Variants in POU6F2 observed in about 807,000 individuals in gnomAD.
The protein encoded by POU6F2 is POU domain, class 6, transcription factor 2.
POU6F2 carries 31 observed loss-of-function variants against 71.3 expected under a neutral mutation model. The observed-to-expected ratio is 0.43, with a 90% confidence interval of 0.33 to 0.59. The LOEUF (loss-of-function observed/expected upper bound fraction) is 0.59. Ranked by LOEUF, POU6F2 falls within the 20% of genes least tolerant of loss-of-function variation. POU6F2 has a pLI of 0.04. For missense variants in POU6F2, 783 were observed against 856.8 expected, an observed-to-expected ratio of 0.91 and a Z score of 1.07; for synonymous variants, 347 against 355.7, an observed-to-expected ratio of 0.98 and a Z score of 0.27.
intron 5 of POU6F2, among the ~76,000 whole-genome samples, chr7:39,396,743 A>G (rs908770349): frequency 1.3e-5 from 2 of 152,136 alleles, no homozygotes; most frequent in Non-Finnish European, 2.9e-5. Flanking sequence ...ACTTGTGCCT[A>G]GGGGCACATA....
At chr7:39,099,029 CTT>C (rs1562705474) in intron 2 of POU6F2, among the ~76,000 whole-genome samples, 2 of 152,118 alleles carry the variant, frequency 1.3e-5, no homozygotes, top group Non-Finnish European at 2.9e-5. Context: ...CTTCTTCAGT[CTT>C]TGCTTTCTCT....
At position 39,464,708 on chromosome 7, in the gene POU6F2, G is replaced by A. The variant is rs1274098461; in HGVS notation, c.*22G>A. The stretch of plus-strand genomic sequence containing the variant: ...CTAAAGAGATGCCCACCCATAATCA[G>A]AAGCAAAATTCACAGAAACTAAACT... On this transcript the variant is annotated 3_prime_UTR_variant, in exon 10 of 10. Coordinates refer to ENST00000518318, the MANE Select transcript of POU6F2 (RefSeq NM_001370959.1). The surrounding 1 kb of genome is among the most constrained non-coding windows in gnomAD (Gnocchi z 4.1). 6.4e-7 allele frequency: 1 copy of A among 1,567,650 alleles called. No individual in the cohort carries two copies. Among genetic ancestry groups the A allele is most frequent in the Non-Finnish European group, 8.6e-7 (1 of 1,159,202 alleles).
rs1270663777 is a variant in POU6F2 at position 39,468,191 on chromosome 7, GA to G, written c.*3506del. Reference sequence around the variant, plus strand: ...TTTGTTTATTTGTTGTTAAGAAAGTGATTTTTTTTTTTTTTTGTCCTATGTG... The same window carrying G: ...TTTGTTTATTTGTTGTTAAGAAAGTGTTTTTTTTTTTTTTTGTCCTATGTG... On this transcript the variant is annotated 3_prime_UTR_variant, in exon 10 of 10. Transcript: ENST00000518318. 2.1e-5 allele frequency: 3 copies of G among 141,258 alleles called. No individual in the cohort carries two copies. The highest frequency in any genetic ancestry group is 4.7e-5 in the Non-Finnish European group (3 of 63,530). The allele number at this position is 141,258 out of a possible 1,614,324, so 8.8% of individuals were successfully genotyped here.
In POU6F2 at chr7:39,207,645, C is replaced by T. The variant is rs189664409; in HGVS notation, c.598+25C>T. ...GGTAATCCATAATGTCCATGCGCCA[C>T]GTAAGGCTCTACCCGTTGGCCAGTA... On this transcript the variant is annotated intron_variant, in intron 4 of 9. Transcript: ENST00000518318. The T allele has an allele frequency of 7.0e-4, 1,121 of 1,596,300 alleles. 7 individuals are homozygous for T. Among genetic ancestry groups the T allele is most frequent in the Non-Finnish European group, 7.6e-5 (89 of 1,168,360 alleles).
At chr7:39,359,103 C>T (rs1478857092) in intron 5 of POU6F2, among the ~76,000 whole-genome samples, 2 of 151,964 alleles carry the variant, frequency 1.3e-5, no homozygotes, top group East Asian at 1.9e-4. Context: ...AGTGCTGTGA[C>T]GTTCTCAAGT....
At chr7:39,171,016 CTTTTT>C (rs760022218) in intron 2 of POU6F2, among the ~76,000 whole-genome samples, 1 of 94,556 alleles carries the variant, frequency 1.1e-5, no homozygotes, top group African/African-American at 4.1e-5. Flanking sequence ...TCACATATAT[CTTTTT>C]TTTTTTTTTT....
chr7:39,257,917 T>C (rs1194685156), intron 4 of POU6F2, among the ~76,000 whole-genome samples: 1 of 152,230 alleles, frequency 6.6e-6, no homozygotes, highest in East Asian at 1.9e-4. Context: ...CAGATATCTA[T>C]AACTTTTATG....
intron 4 of POU6F2, among the ~76,000 whole-genome samples, chr7:39,269,318 G>T (rs1401718737): frequency 2.0e-5 from 3 of 152,180 alleles, no homozygotes; most frequent in African/African-American, 7.2e-5. Flanking sequence ...CACATGGGTT[G>T]TCTCATTTCA....
At chr7:39,197,784 C>A (rs1407099959) in intron 2 of POU6F2, among the ~76,000 whole-genome samples, 2 of 152,216 alleles carry the variant, frequency 1.3e-5, no homozygotes, top group Non-Finnish European at 2.9e-5. Flanking sequence ...GATTCTGACA[C>A]ACACCTCTAT....
At position 39,329,065 on chromosome 7, in the gene POU6F2, A is replaced by G. The variant is rs145966410; in HGVS notation, c.599-10577A>G. 3.5e-3 allele frequency: 547 copies of G among 157,162 alleles called. 1 individual carries two copies. The highest frequency in any genetic ancestry group is 0.013 in the African/African-American group (523 of 41,636). The allele number at this position is 157,162 out of a possible 1,614,324, so 9.7% of individuals were successfully genotyped here. The stretch of plus-strand genomic sequence containing the variant: ...CTTCATCTCAATTTACAGTGGCTCA[A>G]TATTATTTTATCCCATGTGTATAAT... On this transcript the variant is annotated intron_variant, in intron 4 of 9. Coordinates refer to ENST00000518318, the MANE Select transcript of POU6F2 (RefSeq NM_001370959.1).
At chr7:39,279,381 A>G (rs2128759267) in intron 4 of POU6F2, among the ~76,000 whole-genome samples, 1 of 152,284 alleles carries the variant, frequency 6.6e-6, no homozygotes, top group East Asian at 1.9e-4. Flanking sequence ...TCTGAGCCTC[A>G]GTTTCTGCAT....
intron 4 of POU6F2, among the ~76,000 whole-genome samples, chr7:39,278,788 C>T (rs1784508191): frequency 1.3e-5 from 2 of 152,184 alleles, no homozygotes; most frequent in Admixed American, 1.3e-4. Flanking sequence ...TCACCAAGTC[C>T]AGCATGTAGC....
chr7:39,190,863 C>A (rs1291314536), intron 2 of POU6F2, among the ~76,000 whole-genome samples: 1 of 151,798 alleles, frequency 6.6e-6, no homozygotes, highest in Non-Finnish European at 1.5e-5. Flanking sequence ...GTCTCGAACT[C>A]CTGACCTCGT....
At chr7:39,042,136 CACTG>C (rs1790205057) in intron 1 of POU6F2, among the ~76,000 whole-genome samples, 1 of 151,762 alleles carries the variant, frequency 6.6e-6, no homozygotes, top group Non-Finnish European at 1.5e-5. Context: ...TTTCAATGCC[CACTG>C]AGACTATGTA....
At chr7:39,071,288 C>CGAGAA (rs1295608119) in intron 1 of POU6F2, among the ~76,000 whole-genome samples, 8 of 151,786 alleles carry the variant, frequency 5.3e-5, no homozygotes, top group African/African-American at 1.9e-4. Flanking sequence ...TGTGCTCCTA[C>CGAGAA]GAGAATCTAA....
intron 1 of POU6F2, among the ~76,000 whole-genome samples, chr7:39,012,169 C>T (rs1220136291): frequency 7.3e-5 from 11 of 151,724 alleles, no homozygotes; most frequent in Admixed American, 3.3e-4. Flanking sequence ...ACCAATCAGA[C>T]GTAGATTTGG....
intron 2 of POU6F2, among the ~76,000 whole-genome samples, chr7:39,093,731 G>T (rs956337541): frequency 6.6e-6 from 1 of 152,068 alleles, no homozygotes; most frequent in African/African-American, 2.4e-5. Context: ...TATTAACACA[G>T]TGTTTTAAAA....
chr7:39,051,929 G>A (rs1790407898), intron 1 of POU6F2, among the ~76,000 whole-genome samples: 1 of 152,138 alleles, frequency 6.6e-6, no homozygotes, highest in Non-Finnish European at 1.5e-5. Context: ...TGGGAGGCGT[G>A]TAAAGTAACT....
rs568011014 is a variant in POU6F2, at chr7:39,305,700, C to T, written c.599-33942C>T. On this transcript the variant is annotated intron_variant, in intron 4 of 9. Transcript: ENST00000518318. ...GCAATTCCAATGAGAACATACAGTA[C>T]GACCTGAAGGAAAACAGTTGGCTTA... 2.0e-5 allele frequency among the ~76,000 whole-genome samples: 3 copies of T among 152,268 alleles called. No individual in the cohort carries two copies. In the South Asian group the frequency reaches 6.2e-4, roughly 32 times the overall value.
Sources: gnomAD v4.1 joint callset for allele counts (sites outside exome capture counted in the v4.1 genomes callset) on GRCh38, gnomAD v4.1.1 for gene constraint, Gnocchi (gnomAD v3.1) non-coding constraint, MANE v1.5 for transcripts, NCBI Gene and HGNC (gene_info 2026-07-23, HGNC 2026-07-21) for gene names.